Variants in WFS1 observed in about 807,000 individuals in gnomAD.
WFS1 encodes the protein wolframin ER transmembrane glycoprotein.
A neutral mutation model predicts 68.5 loss-of-function variants in WFS1; 90 were observed. The ratio of observed to expected loss-of-function variants is 1.31; its 90% CI spans 1.11 to 1.56. The LOEUF (loss-of-function observed/expected upper bound fraction) is 1.56, where lower values mean the gene tolerates loss of function less well. Ranked by LOEUF, WFS1 falls within the 40% of genes most tolerant of loss-of-function variation. The pLI is 0.00. For synonymous variants in WFS1, 860 were observed against 540.7 expected (o/e 1.59, Z -8.19); for missense variants, 1,767 against 1,232.6 (o/e 1.43, Z -6.49).
At chr4:6,299,051 T>A (rs1033065824) in intron 7 of WFS1, among the ~76,000 whole-genome samples, 1 of 152,230 alleles carries the variant, frequency 6.6e-6, no homozygotes, top group African/African-American at 2.4e-5. Flanking sequence ...CTGGCACTTC[T>A]GAAGATGCAC....
chr4:6,300,122 C>G (rs1459591519), intron 7 of WFS1, among the ~76,000 whole-genome samples: 1 of 152,100 alleles, frequency 6.6e-6, no homozygotes, highest in Non-Finnish European at 1.5e-5. Context: ...CTGCACTGAA[C>G]TCCCTTTCCC....
At chr4:6,286,324 C>T (rs1730307576) in intron 2 of WFS1, among the ~76,000 whole-genome samples, 1 of 152,126 alleles carries the variant, frequency 6.6e-6, no homozygotes, top group African/African-American at 2.4e-5. Context: ...GGAATTAGTG[C>T]CCCTATAAAA....
chr4:6,302,191 C>G lies in WFS1; in HGVS notation c.2396C>G (p.Thr799Ser). The change falls in exon 8 of 8, where the codon ACC becomes AGC. Residue 799 changes from threonine to serine, a missense_variant. Thr to Ser is a moderately conservative substitution (Grantham distance 58). Transcript: ENST00000226760. ...CGCAGCCGCGAGGAGGACGACGTCA[C>G]CAAGGACATCGTGCTGCGGGCCAGC... ...GSRSREEDDV[T>S]KDIVLRASSE... The G allele has an allele frequency of 6.2e-7, 1 of 1,612,270 alleles. No homozygotes were observed. The highest frequency in any genetic ancestry group is 8.5e-7 in the Non-Finnish European group (1 of 1,179,694).
intron 7 of WFS1, among the ~76,000 whole-genome samples, chr4:6,297,502 A>G (rs1458736065): frequency 2.0e-5 from 3 of 152,228 alleles, no homozygotes; most frequent in Non-Finnish European, 4.4e-5. Flanking sequence ...ATATCTTAAA[A>G]TCGTAACATT....
At chr4:6,289,870 A>T (rs1159015003) in intron 4 of WFS1, among the ~76,000 whole-genome samples, 1 of 152,192 alleles carries the variant, frequency 6.6e-6, no homozygotes, top group Non-Finnish European at 1.5e-5. Flanking sequence ...AGAAAACATA[A>T]AGATACAAAT....
At chr4:6,298,505 A>G (rs1730709381) in intron 7 of WFS1, among the ~76,000 whole-genome samples, 1 of 149,874 alleles carries the variant, frequency 6.7e-6, no homozygotes, top group South Asian at 2.1e-4. Context: ...TAAAACAGAG[A>G]TTAAGTGGAC....
chr4:6,297,781 T>C (rs559439976), intron 7 of WFS1, among the ~76,000 whole-genome samples: 2 of 152,196 alleles, frequency 1.3e-5, no homozygotes, highest in Non-Finnish European at 2.9e-5. Context: ...GAGTTGAATT[T>C]GTTTGGACCT....
At chr4:6,298,018 T>G (rs969408475) in intron 7 of WFS1, among the ~76,000 whole-genome samples, 3 of 152,218 alleles carry the variant, frequency 2.0e-5, no homozygotes, top group Admixed American at 6.5e-5. Context: ...AACCAGGTGG[T>G]TGTGTGTGTT....
At chr4:6,298,620 C>A (rs891561170) in intron 7 of WFS1, among the ~76,000 whole-genome samples, 3 of 152,058 alleles carry the variant, frequency 2.0e-5, no homozygotes, top group African/African-American at 7.2e-5. Context: ...TCCTTCTCAT[C>A]TGTGGAAGGC....
chr4:6,290,838 A>G (rs1021566565), intron 4 of WFS1, among the ~76,000 whole-genome samples: 26 of 152,226 alleles, frequency 1.7e-4, no homozygotes, highest in African/African-American at 5.8e-4. Context: ...CCTGGGTTCA[A>G]GACAGCTCTG....
At chr4:6,296,383 C>T (rs547122377) in intron 7 of WFS1, among the ~76,000 whole-genome samples, 1 of 152,342 alleles carries the variant, frequency 6.6e-6, no homozygotes, top group African/African-American at 2.4e-5. Context: ...GAAGGCTCTG[C>T]TCCTCCCACT....
In WFS1 at chr4:6,301,961, G is replaced by A. The variant is rs758534824; in HGVS notation, c.2166G>A (p.Met722Ile). The A allele has an allele frequency of 2.5e-6, 4 of 1,612,824 alleles. No individual in the cohort carries two copies. The highest frequency in any genetic ancestry group is 4.5e-5 in the East Asian group (2 of 44,872). The part of the protein sequence containing the change: ...IDNSAESAIN[M>I]LPFFIGDWMR... ...ACAGCGCCGAGTCTGCCATCAACAT[G>A]CTCCCGTTCTTCATCGGCGACTGGA... The change falls in exon 8 of 8, where the codon ATG (methionine) becomes ATA (isoleucine). Residue 722 changes from methionine (M) to isoleucine (I), a missense_variant. Met to Ile is a conservative substitution (Grantham distance 10, BLOSUM62 1). Coordinates refer to ENST00000226760, the MANE Select transcript of WFS1 (RefSeq NM_006005.3).
chr4:6,273,917 G>A (rs1729908124), intron 1 of WFS1, among the ~76,000 whole-genome samples: 1 of 152,198 alleles, frequency 6.6e-6, no homozygotes, highest in Admixed American at 6.5e-5. Context: ...TTTAACTGCA[G>A]TGTGACATAC....
rs141020933 is a variant in WFS1, at chr4:6,302,003, C to T, written c.2208C>T (p.Gly736=). ...GCGACTGGATGCGCTGCCTCTACGG[C>T]GAGGCCTACCCTGCCTGCAGCCCTG... is the stretch of plus-strand genomic sequence containing the variant. ...FIGDWMRCLY[G]EAYPACSPGN... The change falls in exon 8 of 8, where the codon GGC becomes GGT. Residue 736 remains glycine, a synonymous_variant. Coordinates refer to ENST00000226760, the MANE Select transcript of WFS1 (RefSeq NM_006005.3). 235 of 1,612,510 alleles carry T rather than the reference C, an allele frequency of 1.5e-4. No individual in the cohort carries two copies. Among genetic ancestry groups the T allele is most frequent in the Admixed American group, 3.3e-4 (20 of 59,960 alleles).
rs1801213 is a variant in WFS1, at chr4:6,291,969, C to A, written c.684C>A (p.Arg228=). 1.2e-6 allele frequency: 2 copies of A among 1,609,070 alleles called. No homozygotes were observed. Among genetic ancestry groups the A allele is most frequent in the Non-Finnish European group, 1.7e-6 (2 of 1,178,372 alleles). Residue 228 remains arginine (R), a synonymous_variant, in exon 6 of 8, where the codon CGC becomes CGA. Transcript: ENST00000226760. The stretch of plus-strand genomic sequence containing the variant: ...CCAAGTCCCTGCAGAAGCAGAGGCG[C>A]ATGCTGGAGCGCCTGGTCAGCAGCG... ...PVPKSLQKQR[R]MLERLVSSES...
At chr4:6,284,891 G>C (rs984354079) in intron 2 of WFS1, among the ~76,000 whole-genome samples, 2 of 150,480 alleles carry the variant, frequency 1.3e-5, no homozygotes, top group African/African-American at 4.9e-5. Flanking sequence ...TGGCCTTGGT[G>C]CCTGCAGGCT....
chr4:6,273,450 G>A (rs537949192), intron 1 of WFS1, among the ~76,000 whole-genome samples: 1 of 152,224 alleles, frequency 6.6e-6, no homozygotes, highest in African/African-American at 2.4e-5. Context: ...GGATCTGAGG[G>A]TGCAGAGTGG....
intron 7 of WFS1, among the ~76,000 whole-genome samples, chr4:6,299,581 ATG>A (rs1206028909): frequency 3.0e-4 from 7 of 23,182 alleles, no homozygotes; most frequent in African/African-American, 9.0e-4. Context: ...GTGTGTGTGA[ATG>A]TGTGTGTAGG....
intron 2 of WFS1, among the ~76,000 whole-genome samples, chr4:6,286,123 A>G (rs1730302297): frequency 6.6e-6 from 1 of 152,054 alleles, no homozygotes; most frequent in South Asian, 2.1e-4. Flanking sequence ...TGTCTCCTTG[A>G]TGGATCTAGG....
Sources: gnomAD v4.1 joint callset for allele counts (sites outside exome capture counted in the v4.1 genomes callset) on GRCh38, gnomAD v4.1.1 for gene constraint, MANE v1.5 for transcripts, NCBI Gene and HGNC (gene_info 2026-07-23, HGNC 2026-07-21) for gene names.